Variants in CYP2A6 observed in about 807,000 individuals in gnomAD.
The protein encoded by CYP2A6 is cytochrome P450 2A6.
Under a neutral mutation model 42.3 loss-of-function variants are expected in CYP2A6, and 27 were observed. The ratio of observed to expected loss-of-function variants is 0.64; its 90% CI spans 0.47 to 0.88. The LOEUF is 0.88. Among genes scored for constraint, CYP2A6 ranks in the 40% least tolerant of loss-of-function variants. CYP2A6 has a pLI of 0.00. For missense variants in CYP2A6, 628 were observed against 646.0 expected (o/e 0.97, Z 0.30); for synonymous variants, 238 against 246.3 (o/e 0.97, Z 0.31).
Position 40,849,910 on chromosome 19 carries a change from T to C in CYP2A6, c.251A>G (p.His84Arg), listed in dbSNP as rs755862580. Residue 84 changes from histidine to arginine, a missense_variant, in exon 2 of 9, where the codon CAT (histidine) becomes CGT (arginine). Transcript: ENST00000301141. ...CACCAGAGCCTCCCTGACGGCATCA[T>C]GTCCACACAGCACCACGACCCGCCG... ...GPRRVVVLCGHDAVREALVDQ... is the reference protein window; with the variant it reads ...GPRRVVVLCGRDAVREALVDQ... The C allele has an allele frequency of 1.2e-6, 2 of 1,611,564 alleles. No homozygotes were observed. Among genetic ancestry groups the C allele is most frequent in the Non-Finnish European group, 1.7e-6 (2 of 1,179,730 alleles).
Position 40,846,044 on chromosome 19 carries a change from C to T in CYP2A6, c.885G>A (p.Thr295=), listed in dbSNP as rs761261220. The change falls in exon 6 of 9, where the codon ACG becomes ACA. Residue 295 remains threonine, a synonymous_variant. Transcript: ENST00000301141. The stretch of plus-strand genomic sequence containing the variant: ...CGGTGCCCCCAATGAAGAGGTTCAA[C>T]GTGGTCATCACCAGGTTTTTCAAGT... The part of the protein sequence containing the change: ...EFYLKNLVMT[T]LNLFIGGTET... The T allele has an allele frequency of 3.2e-5, 51 of 1,611,530 alleles. 3 individuals are homozygous for T. Among genetic ancestry groups the T allele is most frequent in the East Asian group, 2.1e-4 (9 of 43,382 alleles).
At chr19:40,845,719 GCAGTGGGCACT>G (rs1331784905) in intron 6 of CYP2A6, among the ~76,000 whole-genome samples, 1 of 151,448 alleles carries the variant, frequency 6.6e-6, no homozygotes, top group Non-Finnish European at 1.5e-5. Flanking sequence ...GGTGGAACGG[GCAGTGGGCACT>G]CAGTGGGCTT....
In CYP2A6 at chr19:40,849,870, C is replaced by T. The variant is rs28609092; in HGVS notation, c.291G>A (p.Glu97=). 2,650 of 1,611,476 alleles carry T rather than the reference C, an allele frequency of 1.6e-3. 85 individuals are homozygous for T. In the African/African-American group the frequency reaches 0.033, roughly 20 times the overall value. ...VREALVDQAE[E]FSGRGEQATF... ...TGGCTTGCTCGCCTCGCCCGCTGAA[C>T]TCCTCAGCCTGGTCCACCAGAGCCT... Residue 97 remains glutamate, a synonymous_variant, in exon 2 of 9, where the codon GAG becomes GAA. Transcript: ENST00000301141.
chr19:40,847,992 G>T (rs55921593), intron 4 of CYP2A6, among the ~76,000 whole-genome samples: 2,539 of 151,868 alleles, frequency 0.017, 41 homozygotes, highest in Non-Finnish European at 0.023. Context: ...CTGCCAGCAG[G>T]CTCTGTTTTG....
intron 4 of CYP2A6, 144 bp from the exon 5 acceptor site, chr19:40,847,195 A>G (rs1967116690): frequency 1.5e-6 from 2 of 1,294,752 alleles, no homozygotes; most frequent in Non-Finnish European, 2.1e-6. Context: ...GGGGCCGGAT[A>G]GGAACTTATA....
intron 2 of CYP2A6, among the ~76,000 whole-genome samples, chr19:40,849,003 AGAGAGAGAAGAGAGAGAG>A (rs1568516061): frequency 5.9e-5 from 5 of 85,390 alleles, no homozygotes; most frequent in African/African-American, 2.5e-4. Flanking sequence ...AGAGAGAGAG[AGAGAGAGAAGAGAGAGAG>A]GAGAGAGAGA....
chr19:40,847,031 C>G lies in CYP2A6; in HGVS notation c.675G>C (p.Ser225=), dbSNP rs28399448. The change falls in exon 5 of 9, where the codon TCG becomes TCC. Residue 225 remains serine, a synonymous_variant. Coordinates refer to ENST00000301141, the MANE Select transcript of CYP2A6 (RefSeq NM_000762.6). Reference sequence around the variant, plus strand: ...GTGGTCCTGGCAGGTGTTTCATCACCGAAGAGAACATCTCATAGAGCTGGG... The same window carrying G: ...GTGGTCCTGGCAGGTGTTTCATCACGGAAGAGAACATCTCATAGAGCTGGG... ...STGQLYEMFS[S]VMKHLPGPQQ... is the part of the protein sequence containing the mutation. 1 of 1,611,526 alleles carries G rather than the reference C, an allele frequency of 6.2e-7. No homozygotes were observed. Among genetic ancestry groups the G allele is most frequent in the Non-Finnish European group, 8.5e-7 (1 of 1,179,692 alleles).
intron 4 of CYP2A6, among the ~76,000 whole-genome samples, chr19:40,847,716 G>T (rs938104816): frequency 2.6e-5 from 4 of 151,558 alleles, no homozygotes; most frequent in Non-Finnish European, 1.5e-5. Flanking sequence ...CATGTTTTCA[G>T]GTATTTAAGT....
chr19:40,844,582 G>A lies in CYP2A6; in HGVS notation c.1303+49C>T, dbSNP rs781764120. 2.0e-5 allele frequency: 33 copies of A among 1,610,350 alleles called. 1 individual carries two copies. The Middle Eastern group carries it at 3.7e-3, about 178-fold the overall frequency. On this transcript the variant is annotated intron_variant, in intron 8 of 8. Coordinates refer to ENST00000301141, the MANE Select transcript of CYP2A6 (RefSeq NM_000762.6). The stretch of plus-strand genomic sequence containing the variant: ...CAGAGAGGGGAGGAGGGTGAGGGAG[G>A]CCCCTGCTGGTGTGAGCCGTGGCCT...
rs780700259 is a variant in CYP2A6, at chr19:40,848,257, G to A, written c.616C>T (p.Leu206=). 2 of 1,611,846 alleles carry A rather than the reference G, an allele frequency of 1.2e-6. No homozygotes were observed. Among genetic ancestry groups the A allele is most frequent in the Non-Finnish European group, 1.7e-6 (2 of 1,179,938 alleles). Residue 206 remains leucine, a synonymous_variant, in exon 4 of 9, where the codon CTA becomes TTA. Transcript: ENST00000301141. ...GTTGACGTGAACTGGAAGATTCCTA[G>A]CATCATGCGCAACAGTGACAGGAAC... ...KEFLSLLRMM[L]GIFQFTSTST... is the part of the protein sequence containing the mutation.
rs56014815 is a variant in CYP2A6 at position 40,849,521 on chromosome 19, C to T, written c.343+297G>A. Among the ~76,000 whole-genome samples, 214 of 151,180 alleles carry T rather than the reference C, an allele frequency of 1.4e-3. 9 individuals carry two copies. In the South Asian group the frequency reaches 0.027, roughly 19 times the overall value. On this transcript the variant is annotated intron_variant, in intron 2 of 8. Transcript: ENST00000301141. ...GACAAATGAAGACAGAGAACCAGGGCTGGAAAACAGAAACCCAGGATGTCC... is the reference window on the plus strand; with the variant it reads ...GACAAATGAAGACAGAGAACCAGGGTTGGAAAACAGAAACCCAGGATGTCC...
At position 40,845,363 on chromosome 19, in the gene CYP2A6, G is replaced by T. The variant is rs752841802; in HGVS notation, c.1092C>A (p.Asp364Glu). 6.2e-7 allele frequency: 1 copy of T among 1,611,688 alleles called. No homozygotes were observed. Among genetic ancestry groups the T allele is most frequent in the South Asian group, 1.1e-5 (1 of 90,902 alleles). The change falls in exon 7 of 9, where the codon GAC becomes GAA. Residue 364 changes from aspartate (D) to glutamate (E), a missense_variant. By Grantham distance (45) the Asp-to-Glu change is conservative. This residue lies in a region of CYP2A6 where 606 missense variants were observed against 568.1 expected (regional missense o/e 1.07). Coordinates refer to ENST00000301141, the MANE Select transcript of CYP2A6 (RefSeq NM_000762.6). The stretch of plus-strand genomic sequence containing the variant: ...TGCGGGCCAAACTCATGGGGATCAC[G>T]TCTCCAAATCTTTGGATCTCGTGGA... ...AVIHEIQRFG[D>E]VIPMSLARRV...
At position 40,848,616 on chromosome 19, in the gene CYP2A6, C is replaced by A. The variant is rs1599779643; in HGVS notation, c.491G>T (p.Gly164Val). Residue 164 changes from glycine to valine, a missense_variant and splice_region_variant, in exon 3 of 9, where the codon GGC (glycine) becomes GTC (valine). Gly to Val is a moderately radical substitution (Grantham distance 109). Transcript: ENST00000301141. ...GFLIDALRGT[G>V]GANIDPTFFL... The stretch of plus-strand genomic sequence containing the variant: ...CGCACTCGGGGTCCCCTGCTCACCG[C>A]CAGTGCCCCGGAGGGCGTCGATGAG... 2 of 1,611,020 alleles carry A rather than the reference C, an allele frequency of 1.2e-6. No individual in the cohort carries two copies. Among genetic ancestry groups the A allele is most frequent in the Admixed American group, 1.7e-5 (1 of 59,968 alleles).
intron 6 of CYP2A6, 139 bp from the exon 7 acceptor site, chr19:40,845,620 A>T (rs2388873): frequency 2.2e-6 from 3 of 1,384,060 alleles, no homozygotes; most frequent in Non-Finnish European, 2.9e-6. Context: ...AACAGACATC[A>T]GCCATTCGCA....
rs773545322 is a variant in CYP2A6, at chr19:40,848,391, G to T, written c.494-12C>A. The T allele has an allele frequency of 1.2e-6, 2 of 1,611,756 alleles. No individual in the cohort carries two copies. The highest frequency in any genetic ancestry group is 3.3e-5 in the Admixed American group (2 of 59,980). On this transcript the variant is annotated splice_polypyrimidine_tract_variant and intron_variant, in intron 3 of 8. Transcript: ENST00000301141. ...ATCGATATTGGCGCCTGCGGGTATGGCGGGAGAAGGGGGTTGGGGAGAGAG... is the reference window on the plus strand; with the variant it reads ...ATCGATATTGGCGCCTGCGGGTATGTCGGGAGAAGGGGGTTGGGGAGAGAG...
chr19:40,846,949 C>G lies in CYP2A6; in HGVS notation c.757G>C (p.Glu253Gln), dbSNP rs1199853275. Residue 253 changes from glutamate (E) to glutamine (Q), a missense_variant, in exon 5 of 9, where the codon GAG (glutamate) becomes CAG (glutamine). Coordinates refer to ENST00000301141, the MANE Select transcript of CYP2A6 (RefSeq NM_000762.6). ...GLEDFIAKKV[E>Q]HNQRTLDPNS... ...GGATCCAGCGTGCGCTGGTTGTGCT[C>G]CACCTTCTTGGCTATGAAGTCCTCC... is the stretch of plus-strand genomic sequence containing the variant. The G allele has an allele frequency of 6.2e-7, 1 of 1,611,928 alleles. No individual in the cohort carries two copies. Among genetic ancestry groups the G allele is most frequent in the African/African-American group, 1.3e-5 (1 of 74,720 alleles).
chr19:40,843,801 G>T lies in CYP2A6; in HGVS notation c.1480C>A (p.Arg494Ser), dbSNP rs1347516177. Residue 494 changes from arginine (R) to serine (S), a missense_variant, in exon 9 of 9, where the codon CGC (arginine) becomes AGC (serine). Arg to Ser is a moderately radical substitution (Grantham distance 110, BLOSUM62 -1). Coordinates refer to ENST00000301141, the MANE Select transcript of CYP2A6 (RefSeq NM_000762.6). ...PRNYTMSFLP[R>S] is the part of the protein sequence containing the mutation. ...TGCACCGGCACAGCCCTCGCTCAGC[G>T]GGGCAGGAAGCTCATGGTGTAGTTT... is the stretch of plus-strand genomic sequence containing the variant. The T allele has an allele frequency of 1.8e-5, 29 of 1,606,942 alleles. No homozygotes were observed. The highest frequency in any genetic ancestry group is 2.4e-5 in the Non-Finnish European group (28 of 1,178,564).
rs767395718 is a variant in CYP2A6, at chr19:40,845,420, G to A, written c.1035C>T (p.Asp345=). The change falls in exon 7 of 9, where the codon GAC becomes GAT. Residue 345 remains aspartate (D), a synonymous_variant. Coordinates refer to ENST00000301141, the MANE Select transcript of CYP2A6 (RefSeq NM_000762.6). ...IGKNRQPKFE[D]RAKMPYMEAV... The stretch of plus-strand genomic sequence containing the variant: ...CCTCCATGTAGGGCATCTTGGCCCG[G>A]TCCTCAAACTTGGGCTGCCGGTTCT... 1.9e-6 allele frequency: 3 copies of A among 1,611,668 alleles called. No homozygotes were observed. The highest frequency in any genetic ancestry group is 2.5e-6 in the Non-Finnish European group (3 of 1,179,922).
chr19:40,849,689 T>G (rs1223327339), intron 2 of CYP2A6, 129 bp downstream of exon 2: 1 of 1,508,624 alleles, frequency 6.6e-7, no homozygotes, highest in African/African-American at 1.4e-5. Context: ...TGAAGGGAGA[T>G]GGGGAGGGAA....
Sources: allele counts gnomAD v4.1 joint callset (sites outside exome capture counted in the v4.1 genomes callset), GRCh38; gene constraint gnomAD v4.1.1; regional missense constraint gnomAD v4.1.1; transcripts MANE v1.5; gene names NCBI Gene and HGNC (gene_info 2026-07-23, HGNC 2026-07-21).